ZEB1: variants seen among roughly 807,000 people sequenced by gnomAD.
ZEB1 encodes the protein zinc finger E-box binding homeobox 1, also known as zinc finger E-box-binding homeobox 1.
ZEB1 carries 21 observed loss-of-function variants against 84.9 expected under a neutral mutation model. The ratio of observed to expected loss-of-function variants is 0.25; its 90% CI spans 0.18 to 0.36. The LOEUF (loss-of-function observed/expected upper bound fraction) is 0.36, where lower values mean the gene tolerates loss of function less well. ZEB1 is among the 10% of genes least tolerant of loss of function. ZEB1 has a pLI of 1.00. For missense variants in ZEB1, 1,104 were observed against 1,330.2 expected, an observed-to-expected ratio of 0.83 and a Z score of 2.65; for synonymous variants, 420 against 471.1, an observed-to-expected ratio of 0.89 and a Z score of 1.41.
At chr10:31,430,434 C>T (rs1222409962) in intron 1 of ZEB1, among the ~76,000 whole-genome samples, 4 of 152,200 alleles carry the variant, frequency 2.6e-5, no homozygotes, top group Non-Finnish European at 5.9e-5. Flanking sequence ...AAACCAAACA[C>T]TGCCTTTAAA....
chr10:31,473,016 T>C (rs1372377521), intron 2 of ZEB1, among the ~76,000 whole-genome samples: 2 of 141,566 alleles, frequency 1.4e-5, no homozygotes, highest in Non-Finnish European at 3.0e-5. Context: ...CAACCCTTCA[T>C]GCTAAAAACT....
intron 2 of ZEB1, among the ~76,000 whole-genome samples, chr10:31,483,038 G>A (rs1441966441): frequency 6.6e-6 from 1 of 152,008 alleles, no homozygotes; most frequent in Non-Finnish European, 1.5e-5. Flanking sequence ...TCAGGGGCAA[G>A]GATAAATCAG....
intron 3 of ZEB1, among the ~76,000 whole-genome samples, chr10:31,499,756 A>C (rs1377804772): frequency 6.6e-6 from 1 of 152,044 alleles, no homozygotes; most frequent in Non-Finnish European, 1.5e-5. Context: ...CAAGAGCGAA[A>C]CTCATTCTCA....
intron 1 of ZEB1, among the ~76,000 whole-genome samples, chr10:31,407,378 G>A (rs1445578868): frequency 2.0e-5 from 3 of 151,582 alleles, no homozygotes; most frequent in Non-Finnish European, 4.4e-5. Flanking sequence ...AGTTTACTGA[G>A]AATGATGATT....
intron 2 of ZEB1, among the ~76,000 whole-genome samples, chr10:31,462,594 G>A (rs535038646): frequency 6.6e-6 from 1 of 152,074 alleles, no homozygotes; most frequent in Non-Finnish European, 1.5e-5. Context: ...AAGGTTTTCA[G>A]GCAAAAGAGG....
At chr10:31,418,154 C>A (rs1408165473) in intron 1 of ZEB1, among the ~76,000 whole-genome samples, 1 of 151,846 alleles carries the variant, frequency 6.6e-6, no homozygotes, top group Non-Finnish European at 1.5e-5. Flanking sequence ...AGTCAAATAT[C>A]CAGCATGCAC....
chr10:31,470,042 C>G (rs1007496474), intron 2 of ZEB1, among the ~76,000 whole-genome samples: 2 of 151,430 alleles, frequency 1.3e-5, no homozygotes, highest in African/African-American at 2.4e-5. Flanking sequence ...GAAAGGACAT[C>G]CACACCAAAA....
chr10:31,518,108 G>C (rs1322942525), intron 6 of ZEB1, among the ~76,000 whole-genome samples: 1 of 152,170 alleles, frequency 6.6e-6, no homozygotes, highest in Non-Finnish European at 1.5e-5. Flanking sequence ...ATGTAAAAAT[G>C]TTATCAAGTA....
At chr10:31,456,841 A>C (rs1440070498) in intron 1 of ZEB1, among the ~76,000 whole-genome samples, 1 of 152,154 alleles carries the variant, frequency 6.6e-6, no homozygotes, top group Non-Finnish European at 1.5e-5. Context: ...CACTGATCTA[A>C]GCACAATACA....
intron 1 of ZEB1, among the ~76,000 whole-genome samples, chr10:31,457,386 A>G (rs2061358802): frequency 6.6e-6 from 1 of 152,168 alleles, no homozygotes; most frequent in Non-Finnish European, 1.5e-5. Context: ...TTTAAGTTTC[A>G]GTCATTAATA....
intron 1 of ZEB1, among the ~76,000 whole-genome samples, chr10:31,447,184 C>T (rs223525): frequency 0.034 from 5,172 of 152,140 alleles, 106 homozygotes; most frequent in Non-Finnish European, 0.051. Flanking sequence ...TTCTTTGTCT[C>T]TTTTGATCTT....
chr10:31,326,819 G>A (rs1313268999), intron 1 of ZEB1, among the ~76,000 whole-genome samples: 2 of 152,162 alleles, frequency 1.3e-5, no homozygotes, highest in African/African-American at 4.8e-5. Context: ...AAATTTAGTA[G>A]TTGATGTAGT....
intron 1 of ZEB1, chr10:31,358,535 TTAAA>T (rs1317984043): frequency 6.6e-6 from 1 of 152,234 alleles, no homozygotes; most frequent in Non-Finnish European, 1.5e-5. Context: ...ATACAGTTTC[TTAAA>T]TAAATTACTT....
At chr10:31,422,504 T>A (rs889717912) in intron 1 of ZEB1, among the ~76,000 whole-genome samples, 13 of 152,222 alleles carry the variant, frequency 8.5e-5, no homozygotes, top group Non-Finnish European at 1.6e-4. Flanking sequence ...CCAAAGACCC[T>A]TACCTGGTTT....
At chr10:31,446,863 G>A (rs533554209) in intron 1 of ZEB1, among the ~76,000 whole-genome samples, 11 of 152,092 alleles carry the variant, frequency 7.2e-5, no homozygotes, top group Non-Finnish European at 1.5e-4. Context: ...TAGGTGTGGT[G>A]TGGTGCTGAA....
At chr10:31,360,697 T>G (rs1456393112) in intron 1 of ZEB1, among the ~76,000 whole-genome samples, 1 of 152,240 alleles carries the variant, frequency 6.6e-6, no homozygotes, top group Admixed American at 6.5e-5. Flanking sequence ...GAAAACAGTT[T>G]TTTTATCCGA....
In ZEB1 at chr10:31,527,518, A is replaced by C. The variant is rs1592151585; in HGVS notation, c.*254A>C. The C allele has an allele frequency of 5.9e-6, 3 of 504,820 alleles. No homozygotes were observed. The Admixed American group carries it at 1.0e-4, about 18-fold the overall frequency. 31.3% of individuals were successfully genotyped at this position (504,820 alleles called of 1,614,324 possible). ...TTTTCATGCAGTTTTCAAAGTTAGG[A>C]ACAAGTTTGTAACATGCAGCAGATT... is the stretch of plus-strand genomic sequence containing the variant. On this transcript the variant is annotated 3_prime_UTR_variant, in exon 9 of 9. Transcript: ENST00000424869.
chr10:31,471,914 A>C (rs1365270248), intron 2 of ZEB1, among the ~76,000 whole-genome samples: 1 of 143,034 alleles, frequency 7.0e-6, no homozygotes, highest in Non-Finnish European at 1.5e-5. Context: ...ATCTCACTCA[A>C]AACCACTCAA....
intron 1 of ZEB1, among the ~76,000 whole-genome samples, chr10:31,421,750 A>G (rs1253995001): frequency 6.6e-6 from 1 of 152,116 alleles, no homozygotes; most frequent in Non-Finnish European, 1.5e-5. Context: ...TGTTTCTGTC[A>G]ATTAAAACTA....
Sources: gnomAD v4.1 joint callset for allele counts (sites outside exome capture counted in the v4.1 genomes callset) on GRCh38, gnomAD v4.1.1 for gene constraint, MANE v1.5 for transcripts, NCBI Gene and HGNC (gene_info 2026-07-23, HGNC 2026-07-21) for gene names.